Variants in CFTR observed in about 807,000 individuals in gnomAD.
CFTR encodes cystic fibrosis transmembrane conductance regulator.
CFTR carries 181 observed loss-of-function variants against 171.6 expected under a neutral mutation model. The ratio of observed to expected loss-of-function variants is 1.05; its 90% confidence interval spans 0.93 to 1.19. The LOEUF (loss-of-function observed/expected upper bound fraction) is 1.19, where lower values mean the gene tolerates loss of function less well. Among genes scored for constraint, CFTR ranks in the 50% most tolerant of loss-of-function variants. The pLI, the probability that CFTR is intolerant of heterozygous loss-of-function variation, is 0.00. For synonymous variants in CFTR, 583 were observed against 608.0 expected (o/e 0.96, Z 0.60); for missense variants, 1,968 against 1,734.7 (o/e 1.13, Z -2.39).
At chr7:117,482,360 T>C (rs1798011060) in intron 1 of CFTR, among the ~76,000 whole-genome samples, 1 of 152,178 alleles carries the variant, frequency 6.6e-6, no homozygotes, top group Non-Finnish European at 1.5e-5. Flanking sequence ...GGTTTTGTCA[T>C]TGGAAAACCA....
intron 23 of CFTR, among the ~76,000 whole-genome samples, chr7:117,650,796 C>T (rs1293643421): frequency 2.0e-5 from 3 of 152,126 alleles, no homozygotes; most frequent in African/African-American, 7.2e-5. Context: ...AAAGAATATG[C>T]TGCTGAGTAC....
At chr7:117,569,887 A>C (rs1791662611) in intron 11 of CFTR, among the ~76,000 whole-genome samples, 2 of 152,204 alleles carry the variant, frequency 1.3e-5, no homozygotes, top group African/African-American at 2.4e-5. Flanking sequence ...CAGAGGGCAC[A>C]GTGATAAGCA....
At chr7:117,513,339 T>C (rs949803024) in intron 3 of CFTR, among the ~76,000 whole-genome samples, 13 of 151,378 alleles carry the variant, frequency 8.6e-5, no homozygotes, top group Middle Eastern at 3.4e-3. Context: ...TCTTGTTTTG[T>C]AGGTAAATCG....
At chr7:117,491,139 A>G (rs1184625568) in intron 1 of CFTR, among the ~76,000 whole-genome samples, 3 of 152,056 alleles carry the variant, frequency 2.0e-5, no homozygotes, top group African/African-American at 7.2e-5. Flanking sequence ...ACGGCTTGTT[A>G]CTATACTGAA....
chr7:117,659,189 G>C (rs988841159), intron 24 of CFTR, among the ~76,000 whole-genome samples: 1 of 151,878 alleles, frequency 6.6e-6, no homozygotes, highest in Non-Finnish European at 1.5e-5. Context: ...CATCTTTCAG[G>C]CCTCTCCTTA....
intron 3 of CFTR, among the ~76,000 whole-genome samples, chr7:117,513,734 A>C (rs1680184297): frequency 6.6e-6 from 1 of 152,142 alleles, no homozygotes; most frequent in Non-Finnish European, 1.5e-5. Flanking sequence ...TGCTATCTCC[A>C]GCAAATCTTC....
chr7:117,516,908 A>C (rs928006798), intron 3 of CFTR, among the ~76,000 whole-genome samples: 2 of 151,726 alleles, frequency 1.3e-5, no homozygotes, highest in Non-Finnish European at 2.9e-5. Flanking sequence ...TCTCAATTTC[A>C]TTATTGTAAA....
rs376862611 is a variant in CFTR at position 117,480,942 on chromosome 7, A to T, written c.53+795A>T. Among the ~76,000 whole-genome samples, 4 of 152,278 alleles carry T rather than the reference A, an allele frequency of 2.6e-5. No homozygotes were observed. In the South Asian group the frequency reaches 8.3e-4, roughly 32 times the overall value. ...ACTTCATATTTGAAGTGTTCTTTGG[A>T]TATTGCATCTACTTTGTTCCTGTTA... On this transcript the variant is annotated intron_variant, in intron 1 of 26. Transcript: ENST00000003084.
rs75541969 is a variant in CFTR, at chr7:117,614,699, G to C, written c.3454G>C (p.Asp1152His). ...GCAGTGGGCTGTAAACTCCAGCATAGATGTGGATAGCTTGGTAAGTCTTAT... is the reference window on the plus strand; with the variant it reads ...GCAGTGGGCTGTAAACTCCAGCATACATGTGGATAGCTTGGTAAGTCTTAT... ...TLQWAVNSSI[D>H]VDSLMRSVSR... The change falls in exon 21 of 27, where the codon GAT (aspartate) becomes CAT (histidine). Residue 1152 changes from aspartate to histidine, a missense_variant. Transcript: ENST00000003084. The C allele has an allele frequency of 4.0e-4, 641 of 1,610,026 alleles. 1 individual carries two copies. Among genetic ancestry groups the C allele is most frequent in the Admixed American group, 6.8e-4 (41 of 59,916 alleles).
At chr7:117,585,536 C>T (rs1297840067) in intron 11 of CFTR, among the ~76,000 whole-genome samples, 1 of 152,130 alleles carries the variant, frequency 6.6e-6, no homozygotes, top group Non-Finnish European at 1.5e-5. Context: ...GAAAATTTGC[C>T]TCTTTTTCAA....
intron 11 of CFTR, among the ~76,000 whole-genome samples, chr7:117,561,226 A>T (rs978102937): frequency 1.3e-5 from 2 of 152,122 alleles, no homozygotes; most frequent in Non-Finnish European, 2.9e-5. Context: ...CCCCTGTGTT[A>T]ATAATGAAGG....
intron 11 of CFTR, 141 bp downstream of exon 11, chr7:117,559,796 A>G (rs1055922519): frequency 3.5e-5 from 22 of 634,820 alleles, no homozygotes; most frequent in Non-Finnish European, 5.8e-5. Flanking sequence ...GAATGGATCA[A>G]TTAATAAAAC....
At chr7:117,531,915 C>T (rs1798872545) in intron 4 of CFTR, among the ~76,000 whole-genome samples, 2 of 152,028 alleles carry the variant, frequency 1.3e-5, no homozygotes, top group Non-Finnish European at 2.9e-5. Flanking sequence ...AATGTAAAAA[C>T]ATTATATGTT....
At chr7:117,502,445 T>C (rs1047065984) in intron 1 of CFTR, among the ~76,000 whole-genome samples, 2 of 152,230 alleles carry the variant, frequency 1.3e-5, no homozygotes, top group African/African-American at 2.4e-5. Context: ...GGGTTTTTAT[T>C]AGTAGTAAAC....
Position 117,548,681 on chromosome 7 carries a change from A to G in CFTR, c.1250A>G (p.Asn417Ser). The change falls in exon 10 of 27, where the codon AAC becomes AGC. Residue 417 changes from asparagine (N) to serine (S), a missense_variant. By Grantham distance (46) the Asn-to-Ser change is conservative. Coordinates refer to ENST00000003084, the MANE Select transcript of CFTR (RefSeq NM_000492.4). ...ELFEKAKQNN[N>S]NRKTSNGDDS... ...TTTGAGAAAGCAAAACAAAACAATA[A>G]CAATAGAAAAACTTCTAATGGTGAT... 6.2e-7 allele frequency: 1 copy of G among 1,613,432 alleles called. No homozygotes were observed. Among genetic ancestry groups the G allele is most frequent in the Admixed American group, 1.7e-5 (1 of 59,962 alleles).
intron 15 of CFTR, among the ~76,000 whole-genome samples, chr7:117,597,162 G>A (rs1395830510): frequency 6.6e-6 from 1 of 152,134 alleles, no homozygotes; most frequent in Non-Finnish European, 1.5e-5. Context: ...TTTTGGGTCC[G>A]CATTGCGTTT....
intron 1 of CFTR, among the ~76,000 whole-genome samples, chr7:117,486,414 C>T (rs188182908): frequency 2.0e-5 from 3 of 152,190 alleles, no homozygotes; most frequent in Admixed American, 6.5e-5. Context: ...CCAGCTTTCT[C>T]GAGGGCTTCA....
intron 1 of CFTR, among the ~76,000 whole-genome samples, chr7:117,491,425 C>T (rs916157269): frequency 1.3e-5 from 2 of 151,984 alleles, no homozygotes; most frequent in Non-Finnish European, 2.9e-5. Flanking sequence ...TAACAAAATA[C>T]CACAAATTTG....
intron 23 of CFTR, among the ~76,000 whole-genome samples, chr7:117,649,449 TATAC>T (rs1175345647): frequency 6.7e-6 from 1 of 148,998 alleles, no homozygotes; most frequent in Non-Finnish European, 1.5e-5. Flanking sequence ...CATATGTACA[TATAC>T]ATACATGCAT....
Sources: allele counts gnomAD v4.1 joint callset (sites outside exome capture counted in the v4.1 genomes callset), GRCh38; gene constraint gnomAD v4.1.1; transcripts MANE v1.5; gene names NCBI Gene and HGNC (gene_info 2026-07-23, HGNC 2026-07-21).